MAN2B2: variants seen among roughly 807,000 people sequenced by gnomAD.
MAN2B2 encodes the protein epididymis-specific alpha-mannosidase.
In MAN2B2, 106 loss-of-function variants were observed where a neutral mutation model predicts 117.1. The ratio of observed to expected loss-of-function variants is 0.90; its 90% CI spans 0.77 to 1.06. MAN2B2 has a LOEUF of 1.06. Among genes scored for constraint, MAN2B2 ranks in the 50% least tolerant of loss-of-function variants. MAN2B2 has a pLI of 0.00. For synonymous variants in MAN2B2, 544 were observed against 595.1 expected (o/e 0.91, Z 1.25); for missense variants, 1,326 against 1,381.4 (o/e 0.96, Z 0.64).
chr4:6,581,420 G>A (rs185746547), intron 3 of MAN2B2, among the ~76,000 whole-genome samples: 2 of 152,230 alleles, frequency 1.3e-5, no homozygotes, highest in South Asian at 2.1e-4. Context: ...CAGAACTGGC[G>A]CTCAAGCCCA....
rs369791839 is a variant in MAN2B2 at position 6,596,145 on chromosome 4, A to G, written c.1058-968A>G. ...GGCGTGGTGTCCAGGTGGGCGTGGT[A>G]TCCAGGTGGGCGTGGTATCCAGGCG... On this transcript the variant is annotated intron_variant, in intron 7 of 18. Coordinates refer to ENST00000285599, the MANE Select transcript of MAN2B2 (RefSeq NM_015274.3). Among the ~76,000 whole-genome samples the G allele has an allele frequency of 1.0e-3, 146 of 146,580 alleles. 1 individual carries two copies. In the East Asian group the frequency reaches 0.016, roughly 16 times the overall value.
intron 9 of MAN2B2, among the ~76,000 whole-genome samples, chr4:6,599,761 G>T (rs1039882414): frequency 2.6e-5 from 4 of 151,688 alleles, no homozygotes; most frequent in African/African-American, 9.7e-5. Flanking sequence ...CCTGCCCACT[G>T]CCCTAGCATC....
At chr4:6,591,490 G>A (rs1011724141) in intron 5 of MAN2B2, among the ~76,000 whole-genome samples, 18 of 152,258 alleles carry the variant, frequency 1.2e-4, no homozygotes, top group African/African-American at 4.1e-4. Flanking sequence ...CTCCTGCAGA[G>A]GACGTGAGTG....
intron 17 of MAN2B2, chr4:6,618,473 T>C (rs531124179): frequency 1.3e-5 from 2 of 152,208 alleles, no homozygotes; most frequent in South Asian, 2.1e-4. Flanking sequence ...TTTCCCCCCA[T>C]GTAAAATGGG....
intron 3 of MAN2B2, among the ~76,000 whole-genome samples, chr4:6,579,361 T>A (rs868278999): frequency 5.3e-5 from 2 of 37,970 alleles, no homozygotes; most frequent in Non-Finnish European, 5.0e-5. Flanking sequence ...ACCACCACCA[T>A]CACCATCACC....
chr4:6,594,802 A>T (rs1443363753), intron 7 of MAN2B2, 70 bp downstream of exon 7: 2 of 1,468,702 alleles, frequency 1.4e-6, no homozygotes, highest in Non-Finnish European at 1.9e-6. Flanking sequence ...CCCTCTGCCC[A>T]CTTCAGTGGC....
In MAN2B2 at chr4:6,580,662, T is replaced by C. The variant is rs1726391951; in HGVS notation, c.391+2164T>C. 2.0e-5 allele frequency among the ~76,000 whole-genome samples: 3 copies of C among 152,262 alleles called. 1 individual carries two copies. In the South Asian group the frequency reaches 6.2e-4, roughly 32 times the overall value. ...TGCAGTTCTGTGTCACCTCCCCACT[T>C]AACCGCTGAACCTCAAGATGCCCCT... On this transcript the variant is annotated intron_variant, in intron 3 of 18. Coordinates refer to ENST00000285599, the MANE Select transcript of MAN2B2 (RefSeq NM_015274.3).
rs1028818390 is a variant in MAN2B2, at chr4:6,602,086, T to C, written c.1539+1330T>C. Among the ~76,000 whole-genome samples, 7 of 152,306 alleles carry C rather than the reference T, an allele frequency of 4.6e-5. No homozygotes were observed. The East Asian group carries it at 1.2e-3, about 25-fold the overall frequency. ...CGGAGGCCTGCTGAGACTAAGGGAC[T>C]GGTCAAAGTCCCCCAGTGAGGAAGA... is the stretch of plus-strand genomic sequence containing the variant. On this transcript the variant is annotated intron_variant, in intron 10 of 18. Coordinates refer to ENST00000285599, the MANE Select transcript of MAN2B2 (RefSeq NM_015274.3).
rs75870837 is a variant in MAN2B2, at chr4:6,611,237, C to T, written c.2522C>T (p.Ala841Val). Residue 841 changes from alanine (A) to valine (V), a missense_variant, in exon 15 of 19, where the codon GCG becomes GTG. Physicochemically the swap from Ala to Val is moderately conservative, Grantham distance 64 (BLOSUM62 0). Coordinates refer to ENST00000285599, the MANE Select transcript of MAN2B2 (RefSeq NM_015274.3). ...TTALRQRSAL[A>V]LQHRPVVLFG... ...GCCCTGCGCCAGAGGAGCGCACTGGCGCTGCAGCACAGGCCCGTGGTGCTG... is the reference window on the plus strand; with the variant it reads ...GCCCTGCGCCAGAGGAGCGCACTGGTGCTGCAGCACAGGCCCGTGGTGCTG... 4,107 of 1,613,026 alleles carry T rather than the reference C, an allele frequency of 2.5e-3. 84 individuals carry two copies. In the African/African-American group the frequency reaches 0.036, roughly 14 times the overall value.
In MAN2B2 at chr4:6,605,242, C is replaced by T. The variant is rs767916354; in HGVS notation, c.1727C>T (p.Ala576Val). 4.4e-5 allele frequency: 71 copies of T among 1,614,096 alleles called. No homozygotes were observed. The highest frequency in any genetic ancestry group is 5.4e-5 in the Non-Finnish European group (64 of 1,180,028). Residue 576 changes from alanine to valine, a missense_variant, in exon 11 of 19, where the codon GCG becomes GTG. Ala to Val is a moderately conservative substitution (Grantham distance 64, BLOSUM62 0). Coordinates refer to ENST00000285599, the MANE Select transcript of MAN2B2 (RefSeq NM_015274.3). ...GRRLRRRTSH[A>V]GRYLVPVAND... ...AGGCTGAGGAGACGCACCAGCCATG[C>T]GGGCAGGTACTTGGTGCCTGTGGCA...
rs570518321 is a variant in MAN2B2, at chr4:6,594,379, C to T, written c.859-155C>T. Among the ~76,000 whole-genome samples, 8 of 152,294 alleles carry T rather than the reference C, an allele frequency of 5.3e-5. No individual in the cohort carries two copies. The East Asian group carries it at 9.7e-4, about 18-fold the overall frequency. The stretch of plus-strand genomic sequence containing the variant: ...CCCGGGAGGCGGAGGTTGCATGAGC[C>T]GAGATCAAGCCACTGCTATGGGAGC... On this transcript the variant is annotated intron_variant, in intron 6 of 18. Coordinates refer to ENST00000285599, the MANE Select transcript of MAN2B2 (RefSeq NM_015274.3).
intron 18 of MAN2B2, chr4:6,620,366 C>T (rs1712111245): frequency 3.6e-6 from 1 of 281,098 alleles, no homozygotes; most frequent in South Asian, 3.9e-5. Flanking sequence ...CTGCTGACCT[C>T]AGCCCATCAG....
intron 6 of MAN2B2, 21 bp downstream of exon 6, chr4:6,593,371 C>T: frequency 1.2e-6 from 2 of 1,602,698 alleles, no homozygotes; most frequent in Non-Finnish European, 8.5e-7. Context: ...GTCCCAGGTG[C>T]TGTGCCCTCA....
intron 7 of MAN2B2, among the ~76,000 whole-genome samples, chr4:6,596,400 G>A (rs1047856526): frequency 1.3e-5 from 2 of 152,178 alleles, no homozygotes; most frequent in Non-Finnish European, 2.9e-5. Flanking sequence ...AGTGGGGGAA[G>A]AACAGGGAAT....
At chr4:6,590,228 A>G (rs906327195) in intron 5 of MAN2B2, among the ~76,000 whole-genome samples, 5 of 151,866 alleles carry the variant, frequency 3.3e-5, no homozygotes, top group African/African-American at 9.7e-5. Context: ...AAAAAAAGAA[A>G]AAAAAAATTA....
rs548310163 is a variant in MAN2B2, at chr4:6,576,647, C to T, written c.208C>T (p.Arg70Cys). Reference protein sequence around the residue: ...VVEELARGQQRRFIAVEQEFF... With the variant: ...VVEELARGQQCRFIAVEQEFF... ...GGAAGAGCTGGCCCGCGGCCAGCAG[C>T]GCCGGTTCATCGCTGTGGAGCAGGA... is the stretch of plus-strand genomic sequence containing the variant. Residue 70 changes from arginine (R) to cysteine (C), a missense_variant, in exon 2 of 19, where the codon CGC becomes TGC. Transcript: ENST00000285599. 1.2e-5 allele frequency: 19 copies of T among 1,613,832 alleles called. No homozygotes were observed. The highest frequency in any genetic ancestry group is 1.6e-4 in the Middle Eastern group (1 of 6,080).
intron 3 of MAN2B2, among the ~76,000 whole-genome samples, chr4:6,586,613 T>G (rs1726641849): frequency 6.6e-6 from 1 of 151,936 alleles, no homozygotes; most frequent in Non-Finnish European, 1.5e-5. Flanking sequence ...ATTCATGCAG[T>G]CAGGGAGTAG....
At chr4:6,604,226 G>A (rs1727443086) in intron 10 of MAN2B2, among the ~76,000 whole-genome samples, 1 of 152,174 alleles carries the variant, frequency 6.6e-6, no homozygotes, top group South Asian at 2.1e-4. Context: ...GGTCCCAGAG[G>A]AGGCTTCCTT....
intron 5 of MAN2B2, among the ~76,000 whole-genome samples, chr4:6,591,659 CT>C (rs1726864258): frequency 6.6e-6 from 1 of 152,188 alleles, no homozygotes; most frequent in South Asian, 2.1e-4. Flanking sequence ...TCCTAGGCCC[CT>C]GGGGGCCTTC....
Sources: allele counts gnomAD v4.1 joint callset (sites outside exome capture counted in the v4.1 genomes callset), GRCh38; gene constraint gnomAD v4.1.1; transcripts MANE v1.5; gene names NCBI Gene and HGNC (gene_info 2026-07-23, HGNC 2026-07-21).